Variants in IQCJ observed in about 807,000 individuals in gnomAD.
IQCJ encodes the protein IQ motif containing J.
IQCJ carries 9 observed loss-of-function variants against 11.0 expected under a neutral mutation model. The observed-to-expected ratio is 0.82, with a 90% confidence interval of 0.49 to 1.43. The LOEUF (loss-of-function observed/expected upper bound fraction) is 1.43, where lower values mean the gene tolerates loss of function less well. IQCJ is among the 40% of genes most tolerant of loss of function. The pLI is 0.00. For missense variants in IQCJ, 146 were observed against 133.2 expected (o/e 1.10, Z -0.47); for synonymous variants, 55 against 51.3 (o/e 1.07, Z -0.31).
At chr3:159,225,932 C>T (rs917110361) in intron 1 of IQCJ, among the ~76,000 whole-genome samples, 4 of 152,116 alleles carry the variant, frequency 2.6e-5, no homozygotes, top group Non-Finnish European at 4.4e-5. Flanking sequence ...TGTTACAGCT[C>T]GCAGAATTCA....
At chr3:159,140,417 G>T (rs1720535904) in intron 1 of IQCJ, among the ~76,000 whole-genome samples, 1 of 152,162 alleles carries the variant, frequency 6.6e-6, no homozygotes, top group South Asian at 2.1e-4. Context: ...CAACAGAGAG[G>T]ATGTGTGTTC....
chr3:159,077,789 T>G (rs1716027057), intron 1 of IQCJ, among the ~76,000 whole-genome samples: 1 of 152,148 alleles, frequency 6.6e-6, no homozygotes, highest in African/African-American at 2.4e-5. Context: ...CATGGGCATA[T>G]ATTGCTTTTA....
At position 159,245,829 on chromosome 3, in the gene IQCJ, T is replaced by C; in HGVS notation, c.10-14T>C. The C allele has an allele frequency of 6.5e-7, 1 of 1,539,882 alleles. No homozygotes were observed. Among genetic ancestry groups the C allele is most frequent in the Non-Finnish European group, 8.8e-7 (1 of 1,137,156 alleles). ...TGGTGACAATTTGTAAGATATATCTTCTCTTTTTCACAGGAAGAACTGAAA... is the reference window on the plus strand; with the variant it reads ...TGGTGACAATTTGTAAGATATATCTCCTCTTTTTCACAGGAAGAACTGAAA... On this transcript the variant is annotated splice_polypyrimidine_tract_variant and intron_variant, in intron 1 of 3. Coordinates refer to ENST00000397832, the MANE Select transcript of IQCJ (RefSeq NM_001042706.3).
At chr3:159,214,006 G>A (rs1725087901) in intron 1 of IQCJ, among the ~76,000 whole-genome samples, 1 of 151,894 alleles carries the variant, frequency 6.6e-6, no homozygotes, top group Non-Finnish European at 1.5e-5. Flanking sequence ...TTCCTTTTTA[G>A]TTCTTACTTG....
At chr3:159,182,169 G>A (rs969494102) in intron 1 of IQCJ, among the ~76,000 whole-genome samples, 7 of 151,462 alleles carry the variant, frequency 4.6e-5, no homozygotes, top group African/African-American at 1.7e-4. Flanking sequence ...TTCTTGGCTT[G>A]GCTATTCCTA....
chr3:159,085,984 C>G (rs1190900382), intron 1 of IQCJ, among the ~76,000 whole-genome samples: 8 of 151,964 alleles, frequency 5.3e-5, no homozygotes, highest in Admixed American at 3.3e-4. Context: ...AGACATGAAG[C>G]CTTGCCCATG....
At chr3:159,209,313 G>A (rs1229864146) in intron 1 of IQCJ, among the ~76,000 whole-genome samples, 1 of 152,160 alleles carries the variant, frequency 6.6e-6, no homozygotes, top group Non-Finnish European at 1.5e-5. Flanking sequence ...AGAGATGGCT[G>A]GGCTTCAGGG....
chr3:159,142,694 A>G (rs1178219077), intron 1 of IQCJ, among the ~76,000 whole-genome samples: 1 of 152,078 alleles, frequency 6.6e-6, no homozygotes, highest in Non-Finnish European at 1.5e-5. Context: ...CTGGAATTAC[A>G]GGCGTCAGCC....
At chr3:159,215,486 A>G (rs563034744) in intron 1 of IQCJ, among the ~76,000 whole-genome samples, 1 of 152,318 alleles carries the variant, frequency 6.6e-6, no homozygotes, top group South Asian at 2.1e-4. Flanking sequence ...GTAAAATCAT[A>G]ACTCTTATAC....
chr3:159,109,695 C>T (rs1718504311), intron 1 of IQCJ, among the ~76,000 whole-genome samples: 2 of 152,048 alleles, frequency 1.3e-5, no homozygotes, highest in South Asian at 4.2e-4. Flanking sequence ...TGCACCTTCA[C>T]ATTCAAATGC....
At chr3:159,115,434 T>C (rs113541307) in intron 1 of IQCJ, among the ~76,000 whole-genome samples, 48 of 152,232 alleles carry the variant, frequency 3.2e-4, no homozygotes, top group African/African-American at 1.1e-3. Context: ...CTCAACTAAC[T>C]TCAGGGAAGG....
chr3:159,188,366 C>T (rs991895769), intron 1 of IQCJ, among the ~76,000 whole-genome samples: 4 of 152,212 alleles, frequency 2.6e-5, no homozygotes, highest in South Asian at 4.2e-4. Context: ...GCCGAGATCA[C>T]GCCATTACAC....
At chr3:159,087,505 C>G (rs2108071868) in intron 1 of IQCJ, among the ~76,000 whole-genome samples, 1 of 152,096 alleles carries the variant, frequency 6.6e-6, no homozygotes, top group South Asian at 2.1e-4. Flanking sequence ...ACCAAGTCCT[C>G]CTTGTACCTC....
At chr3:159,081,232 G>T (rs866342409) in intron 1 of IQCJ, among the ~76,000 whole-genome samples, 1 of 152,166 alleles carries the variant, frequency 6.6e-6, no homozygotes. Context: ...AAATGAAATG[G>T]CTCCTCCTCA....
intron 1 of IQCJ, among the ~76,000 whole-genome samples, chr3:159,237,635 T>C (rs1726671506): frequency 6.6e-6 from 1 of 152,238 alleles, no homozygotes; most frequent in Non-Finnish European, 1.5e-5. Flanking sequence ...TCTGGAATGC[T>C]GTGTGTCTGG....
chr3:159,198,652 G>A (rs1383360640), intron 1 of IQCJ, among the ~76,000 whole-genome samples: 1 of 152,168 alleles, frequency 6.6e-6, no homozygotes, highest in Non-Finnish European at 1.5e-5. Context: ...CACATGAAAG[G>A]TATTGGCTGG....
At chr3:159,096,191 C>T (rs28868656) in intron 1 of IQCJ, among the ~76,000 whole-genome samples, 673 of 114,882 alleles carry the variant, frequency 5.9e-3, no homozygotes, top group East Asian at 8.6e-3. Flanking sequence ...TCATGTCCTT[C>T]GCCCACTTTT....
At chr3:159,217,945 T>G (rs963842893) in intron 1 of IQCJ, among the ~76,000 whole-genome samples, 47 of 152,056 alleles carry the variant, frequency 3.1e-4, no homozygotes, top group African/African-American at 1.1e-3. Flanking sequence ...AGAAAGCTCC[T>G]TGAGGACAGT....
At chr3:159,146,989 G>GT (rs1001925522) in intron 1 of IQCJ, among the ~76,000 whole-genome samples, 3 of 152,276 alleles carry the variant, frequency 2.0e-5, no homozygotes, top group Non-Finnish European at 2.9e-5. Context: ...CTATATCCCT[G>GT]TTTTTTACAC....
Sources: allele counts gnomAD v4.1 joint callset (sites outside exome capture counted in the v4.1 genomes callset), GRCh38; gene constraint gnomAD v4.1.1; transcripts MANE v1.5; gene names NCBI Gene and HGNC (gene_info 2026-07-23, HGNC 2026-07-21).